GVQW3: variants seen among roughly 807,000 people sequenced by gnomAD.
GVQW3 encodes protein GVQW3.
GVQW3 carries 7 observed loss-of-function variants against 12.5 expected under a neutral mutation model. The ratio of observed to expected loss-of-function variants is 0.56; its 90% CI spans 0.32 to 1.05. The LOEUF is 1.05. GVQW3 is among the 50% of genes least tolerant of loss of function. The pLI is 0.04. For synonymous variants in GVQW3, 71 were observed against 67.2 expected, an observed-to-expected ratio of 1.06 and a Z score of -0.28; for missense variants, 188 against 190.8, an observed-to-expected ratio of 0.99 and a Z score of 0.09.
At position 76,396,535 on chromosome 11, in the gene GVQW3, G is replaced by A. The variant is rs1001905633; in HGVS notation, c.466-7125G>A. Among the ~76,000 whole-genome samples the A allele has an allele frequency of 7.0e-4, 107 of 152,116 alleles. 1 individual carries two copies. The highest frequency in any genetic ancestry group is 2.5e-3 in the African/African-American group (103 of 41,504). ...TCATCACATTGCCCAGGCTGGTCTC[G>A]AACTCCTGGGGCCAAGCAGTCATCC... On this transcript the variant is annotated intron_variant, in intron 1 of 1. Coordinates refer to ENST00000529331, the MANE Select transcript of GVQW3 (RefSeq NM_001347885.2).
chr11:76,393,960 A>G (rs1260741080), intron 1 of GVQW3, among the ~76,000 whole-genome samples: 1 of 151,992 alleles, frequency 6.6e-6, no homozygotes, highest in Non-Finnish European at 1.5e-5. Flanking sequence ...GTGCAGTGGC[A>G]CCATCTTGGC....
chr11:76,408,157 G>A (rs571747359), downstream of GVQW3: 4 of 152,266 alleles, frequency 2.6e-5, no homozygotes, highest in East Asian at 7.7e-4. Context: ...TGGGAGAAAA[G>A]AGATCTGCCC....
intron 1 of GVQW3, among the ~76,000 whole-genome samples, chr11:76,397,002 C>CTTTTTTTTTTT (rs11401694): frequency 1.8e-5 from 2 of 110,872 alleles, no homozygotes; most frequent in Non-Finnish European, 3.6e-5. Flanking sequence ...TCATTTATTC[C>CTTTTTTTTTTT]TTTTTTTTTT....
downstream of GVQW3, among the ~76,000 whole-genome samples, chr11:76,410,434 G>GCT (rs371900741): frequency 4.7e-5 from 7 of 148,168 alleles, no homozygotes; most frequent in African/African-American, 9.9e-5. Flanking sequence ...GGTCTGTTTT[G>GCT]TTTTTTTTTT....
At chr11:76,384,524 T>C (rs965423525) in intron 1 of GVQW3, among the ~76,000 whole-genome samples, 1 of 152,180 alleles carries the variant, frequency 6.6e-6, no homozygotes, top group Admixed American at 6.5e-5. Flanking sequence ...GGTTTCACCA[T>C]GTTGGCCAGG....
At chr11:76,389,575 C>G (rs2618072) in intron 1 of GVQW3, 151,828 of 152,388 alleles carry the variant, frequency 1, 75,639 homozygotes, top group Middle Eastern at 1. Flanking sequence ...GACACTGTGG[C>G]TGGCATGCTC....
downstream of GVQW3, chr11:76,408,741 A>G (rs1199786687): frequency 6.6e-6 from 1 of 152,242 alleles, no homozygotes; most frequent in African/African-American, 2.4e-5. Context: ...GCGAACGAGC[A>G]TCACACAGCA....
chr11:76,399,383 C>T (rs1387479123), intron 1 of GVQW3, among the ~76,000 whole-genome samples: 1 of 152,080 alleles, frequency 6.6e-6, no homozygotes, highest in Admixed American at 6.6e-5. Flanking sequence ...CTCAAATGAT[C>T]CACCCACCTC....
chr11:76,395,406 G>C (rs748492200), intron 1 of GVQW3, among the ~76,000 whole-genome samples: 16 of 152,296 alleles, frequency 1.1e-4, no homozygotes, highest in Middle Eastern at 3.4e-3. Flanking sequence ...CCCATACTGT[G>C]TTACTTATTT....
downstream of GVQW3, among the ~76,000 whole-genome samples, chr11:76,409,190 G>A (rs983763227): frequency 6.6e-6 from 1 of 152,226 alleles, no homozygotes; most frequent in South Asian, 2.1e-4. Flanking sequence ...AATGTACACC[G>A]AATGCCTATT....
chr11:76,396,669 C>A (rs1009392287), intron 1 of GVQW3, among the ~76,000 whole-genome samples: 1 of 152,118 alleles, frequency 6.6e-6, no homozygotes, highest in Non-Finnish European at 1.5e-5. Context: ...ACCTGCATAC[C>A]GGCTTCGTTG....
chr11:76,381,884 A>G lies in GVQW3; in HGVS notation c.56A>G (p.Asn19Ser), dbSNP rs1946773019. ...RISIKFCVKL[N>S]KSASETHHLL... is the part of the protein sequence containing the mutation. ...AGTATCAAATTTTGCGTGAAATTGA[A>G]CAAGTCTGCAAGTGAGACCCACCAT... Residue 19 changes from asparagine to serine, a missense_variant, in exon 1 of 2, where the codon AAC becomes AGC. Physicochemically the swap from Asn to Ser is conservative, Grantham distance 46. Coordinates refer to ENST00000529331, the MANE Select transcript of GVQW3 (RefSeq NM_001347885.2). 6.5e-7 allele frequency: 1 copy of G among 1,536,072 alleles called. No homozygotes were observed. The highest frequency in any genetic ancestry group is 2.0e-5 in the Admixed American group (1 of 50,844).
Position 76,395,904 on chromosome 11 carries a change from A to C in GVQW3, c.466-7756A>C, listed in dbSNP as rs557799465. On this transcript the variant is annotated intron_variant, in intron 1 of 1. Transcript: ENST00000529331. ...ACCAGAGTAATATTAGTCTAGGGCT[A>C]ATTTTGCCCCAGTGTTGAGGGCACC... 3.3e-5 allele frequency among the ~76,000 whole-genome samples: 5 copies of C among 152,316 alleles called. No homozygotes were observed. In the South Asian group the frequency reaches 1.0e-3, roughly 32 times the overall value.
At chr11:76,397,650 T>C (rs1027761637) in intron 1 of GVQW3, among the ~76,000 whole-genome samples, 1 of 152,226 alleles carries the variant, frequency 6.6e-6, no homozygotes. Flanking sequence ...TCATTGAATG[T>C]AGAACTGGGA....
chr11:76,401,500 G>A (rs77951786), intron 1 of GVQW3, among the ~76,000 whole-genome samples: 368 of 152,104 alleles, frequency 2.4e-3, no homozygotes, highest in African/African-American at 8.1e-3. Context: ...CTTGCCGGGC[G>A]TGGTGGCTCA....
downstream of GVQW3, chr11:76,411,143 T>A (rs59406877): frequency 2.6e-5 from 4 of 152,312 alleles, no homozygotes; most frequent in African/African-American, 9.6e-5. Flanking sequence ...CTGGCTGTAC[T>A]GGCCCCAAGT....
In GVQW3 at chr11:76,381,534, T is replaced by TC; in HGVS notation, c.-295_-294insC. On this transcript the variant is annotated 5_prime_UTR_variant, in exon 1 of 2. Coordinates refer to ENST00000529331, the MANE Select transcript of GVQW3 (RefSeq NM_001347885.2). ...GGCCGCGGAATCGGAGCGACCTTGG[T>TC]GACTGGCAAACTCTCGGCAGATGTG... The TC allele has an allele frequency of 3.1e-6, 1 of 323,476 alleles. No individual in the cohort carries two copies. Among genetic ancestry groups the TC allele is most frequent in the Non-Finnish European group, 5.7e-6 (1 of 175,654 alleles). The allele number at this position is 323,476 out of a possible 1,614,324, so 20.0% of individuals were successfully genotyped here.
chr11:76,401,027 T>TATATATATATA (rs1946984142), intron 1 of GVQW3, among the ~76,000 whole-genome samples: 6 of 150,218 alleles, frequency 4.0e-5, no homozygotes, highest in African/African-American at 1.5e-4. Context: ...GCTTCTATTT[T>TATATATATATA]TATATATATA....
intron 1 of GVQW3, chr11:76,389,899 A>G (rs1368984463): frequency 6.6e-6 from 1 of 152,248 alleles, no homozygotes; most frequent in African/African-American, 2.4e-5. Flanking sequence ...AATACTGCAC[A>G]CATATCGTTA....
Sources: allele counts gnomAD v4.1 joint callset (sites outside exome capture counted in the v4.1 genomes callset), GRCh38; gene constraint gnomAD v4.1.1; transcripts MANE v1.5; gene names NCBI Gene and HGNC (gene_info 2026-07-23, HGNC 2026-07-21).